The following ZNF827 variants were observed in gnomAD, a reference collection of about 807,000 sequenced individuals.
ZNF827 encodes the protein zinc finger protein 827.
ZNF827 carries 13 observed loss-of-function variants against 102.4 expected under a neutral mutation model. The ratio of observed to expected loss-of-function variants is 0.13; its 90% CI spans 0.08 to 0.20. The LOEUF (loss-of-function observed/expected upper bound fraction) is 0.20. Among genes scored for constraint, ZNF827 ranks in the 10% least tolerant of loss-of-function variants. The pLI, the probability that ZNF827 is intolerant of heterozygous loss-of-function variation, is 1.00. For synonymous variants in ZNF827, 523 were observed against 536.2 expected, an observed-to-expected ratio of 0.98 and a Z score of 0.34; for missense variants, 1,103 against 1,344.4, an observed-to-expected ratio of 0.82 and a Z score of 2.81.
At chr4:145,835,723 A>G (rs1336783119) in intron 7 of ZNF827, among the ~76,000 whole-genome samples, 9 of 114,810 alleles carry the variant, frequency 7.8e-5, no homozygotes, top group East Asian at 8.8e-4. Flanking sequence ...CCCTTACCCC[A>G]CTCAACGCCA....
rs774947597 is a variant in ZNF827 at position 145,847,015 on chromosome 4, G to A, written c.2222-1002C>T. Among the ~76,000 whole-genome samples the A allele has an allele frequency of 9.7e-3, 1,215 of 125,282 alleles. No homozygotes were observed. The Middle Eastern group carries it at 0.11, about 11-fold the overall frequency. 82.2% of individuals were successfully genotyped at this position (125,282 alleles called of 152,430 possible). On this transcript the variant is annotated intron_variant, in intron 6 of 14. Coordinates refer to ENST00000508784, the MANE Select transcript of ZNF827 (RefSeq NM_001306215.2). ...CTAAAAATACAAAAATTAGCAGGGC[G>A]TGATGGCGCGTGCCTGTAGTCCCAG...
At chr4:145,855,819 A>G (rs1747040296) in intron 5 of ZNF827, among the ~76,000 whole-genome samples, 1 of 152,152 alleles carries the variant, frequency 6.6e-6, no homozygotes, top group South Asian at 2.1e-4. Flanking sequence ...CCCTCACCCT[A>G]TGACTGGAGC....
Position 145,761,464 on chromosome 4 carries a change from G to T in ZNF827, c.*152C>A. 7.8e-7 allele frequency: 1 copy of T among 1,289,840 alleles called. No individual in the cohort carries two copies. Among genetic ancestry groups the T allele is most frequent in the Non-Finnish European group, 1.0e-6 (1 of 988,866 alleles). The allele number at this position is 1,289,840 out of a possible 1,614,324, so 79.9% of individuals were successfully genotyped here. ...GTGGTTGCCCAGGCGGTGCTCCCGGGTGTGCGTCTCCAGCTCCAGCTGGTT... is the reference window on the plus strand; with the variant it reads ...GTGGTTGCCCAGGCGGTGCTCCCGGTTGTGCGTCTCCAGCTCCAGCTGGTT... On this transcript the variant is annotated 3_prime_UTR_variant, in exon 15 of 15. Coordinates refer to ENST00000508784, the MANE Select transcript of ZNF827 (RefSeq NM_001306215.2). The surrounding 1 kb of genome is among the most constrained non-coding windows in gnomAD (Gnocchi z 6.8).
At chr4:145,909,761 T>A (rs1479780953) in intron 1 of ZNF827, among the ~76,000 whole-genome samples, 1 of 152,238 alleles carries the variant, frequency 6.6e-6, no homozygotes, top group African/African-American at 2.4e-5. Flanking sequence ...CATCCGCATT[T>A]AGGCCGGTTT....
At chr4:145,847,983 G>A (rs72954655) in intron 6 of ZNF827, among the ~76,000 whole-genome samples, 1,877 of 152,246 alleles carry the variant, frequency 0.012, 40 homozygotes, top group African/African-American at 0.043. Context: ...TAAATGACTT[G>A]TCTGAGGTCA....
chr4:145,936,460 G>A (rs906577858), intron 1 of ZNF827, among the ~76,000 whole-genome samples: 4 of 151,968 alleles, frequency 2.6e-5, no homozygotes, highest in Non-Finnish European at 5.9e-5. Flanking sequence ...TTTTTTTAAA[G>A]GAAGGGGAAA....
chr4:145,862,585 T>G (rs1747836467), intron 5 of ZNF827, among the ~76,000 whole-genome samples: 1 of 149,952 alleles, frequency 6.7e-6, no homozygotes, highest in African/African-American at 2.4e-5. Context: ...ATCCAGCCAT[T>G]AGTTGTAGGC....
At chr4:145,856,744 T>C (rs72954672) in intron 5 of ZNF827, among the ~76,000 whole-genome samples, 2,443 of 140,220 alleles carry the variant, frequency 0.017, 66 homozygotes, top group African/African-American at 0.063. Context: ...CTCAGAATAG[T>C]GCAGGGAAAA....
At chr4:145,774,477 G>A (rs759237329) in intron 11 of ZNF827, 29 bp downstream of exon 11, 13 of 1,595,868 alleles carry the variant, frequency 8.1e-6, no homozygotes, top group Non-Finnish European at 9.4e-6. Context: ...TGGAGAAGGA[G>A]TGTGAGAAGG....
At chr4:145,813,716 C>T (rs1742283653) in intron 8 of ZNF827, among the ~76,000 whole-genome samples, 1 of 152,206 alleles carries the variant, frequency 6.6e-6, no homozygotes, top group Non-Finnish European at 1.5e-5. Context: ...CTGATGACAA[C>T]AGGAAGCCCC....
intron 4 of ZNF827, among the ~76,000 whole-genome samples, chr4:145,885,435 A>G (rs777112718): frequency 1.3e-5 from 2 of 152,148 alleles, no homozygotes; most frequent in Non-Finnish European, 2.9e-5. Context: ...AAGGAAATCA[A>G]CAATCCCTAC....
chr4:145,855,600 C>T (rs575687238), intron 5 of ZNF827, among the ~76,000 whole-genome samples: 10 of 152,292 alleles, frequency 6.6e-5, no homozygotes, highest in African/African-American at 1.7e-4. Context: ...TCTTTTTGCC[C>T]TTCCAAAACC....
chr4:145,886,277 G>T, intron 3 of ZNF827, 119 bp from the exon 4 acceptor site: 1 of 1,420,224 alleles, frequency 7.0e-7, no homozygotes, highest in East Asian at 2.5e-5. Flanking sequence ...CCTTTGTACT[G>T]CAGAGCATTT....
intron 4 of ZNF827, among the ~76,000 whole-genome samples, chr4:145,879,571 A>T (rs1396923254): frequency 6.6e-6 from 1 of 152,186 alleles, no homozygotes; most frequent in African/African-American, 2.4e-5. Flanking sequence ...AAAGGTCTGG[A>T]TTCCAGTCAT....
intron 8 of ZNF827, among the ~76,000 whole-genome samples, chr4:145,784,591 T>G (rs973150243): frequency 1.8e-4 from 28 of 152,226 alleles, no homozygotes; most frequent in African/African-American, 6.5e-4. Flanking sequence ...AAACTTCTTT[T>G]AGATTACTCA....
Position 145,886,090 on chromosome 4 carries a change from G to C in ZNF827, c.1335C>G (p.His445Gln), listed in dbSNP as rs1270578797. Residue 445 changes from histidine to glutamine, a missense_variant, in exon 4 of 15, where the codon CAC becomes CAG. Transcript: ENST00000508784. ...AACGCATGTGGAGTTTCAGGCTGAA[G>C]TGGCGTGAGGAAGTAAAAGGGCACA... ...CQLCPFTSSR[H>Q]FSLKLHMRCH... The C allele has an allele frequency of 1.9e-6, 3 of 1,613,994 alleles. No individual in the cohort carries two copies. Among genetic ancestry groups the C allele is most frequent in the Non-Finnish European group, 2.5e-6 (3 of 1,179,922 alleles).
chr4:145,845,104 A>G lies in ZNF827; in HGVS notation c.2279+852T>C, dbSNP rs774287450. Among the ~76,000 whole-genome samples the G allele has an allele frequency of 4.6e-5, 7 of 152,200 alleles. No homozygotes were observed. The South Asian group carries it at 6.2e-4, about 13-fold the overall frequency. ...TGCTCTTGATCATCCTGTAAAGCTC[A>G]TATCTTGGGCTAACTCAGAAATTGG... On this transcript the variant is annotated intron_variant, in intron 7 of 14. Coordinates refer to ENST00000508784, the MANE Select transcript of ZNF827 (RefSeq NM_001306215.2).
At position 145,789,129 on chromosome 4, in the gene ZNF827, G is replaced by A. The variant is rs111464420; in HGVS notation, c.2384-9618C>T. On this transcript the variant is annotated intron_variant, in intron 8 of 14. Coordinates refer to ENST00000508784, the MANE Select transcript of ZNF827 (RefSeq NM_001306215.2). ...GGTACCACAGCTTTCTTTCAATCAC[G>A]AAGATGAAAGCCATTGATAAGGGTG... 1.2e-3 allele frequency among the ~76,000 whole-genome samples: 178 copies of A among 152,252 alleles called. 1 individual carries two copies. The highest frequency in any genetic ancestry group is 4.1e-3 in the African/African-American group (169 of 41,560).
At chr4:145,806,466 GA>G (rs1741465355) in intron 8 of ZNF827, among the ~76,000 whole-genome samples, 2 of 152,050 alleles carry the variant, frequency 1.3e-5, no homozygotes, top group African/African-American at 4.8e-5. Context: ...ATGAATGAAT[GA>G]ACTTTCTTTT....
Sources: gnomAD v4.1 joint callset for allele counts (sites outside exome capture counted in the v4.1 genomes callset) on GRCh38, gnomAD v4.1.1 for gene constraint, Gnocchi (gnomAD v3.1) non-coding constraint, MANE v1.5 for transcripts, NCBI Gene and HGNC (gene_info 2026-07-23, HGNC 2026-07-21) for gene names.